DMD: variants seen among roughly 807,000 people sequenced by gnomAD.
The protein encoded by DMD is dystrophin.
In DMD, 63 loss-of-function variants were observed where a neutral mutation model predicts 330.1. The ratio of observed to expected loss-of-function variants is 0.19; its 90% CI spans 0.16 to 0.24. The LOEUF is 0.24. Ranked by LOEUF, DMD falls within the 10% of genes least tolerant of loss-of-function variation. The probability of loss-of-function intolerance (pLI) is 1.00; values close to 1 mark genes in which losing one functional copy is unlikely to be tolerated. For synonymous variants in DMD, 1,223 were observed against 959.8 expected, an observed-to-expected ratio of 1.27 and a Z score of -5.07; for missense variants, 3,344 against 2,684.1, an observed-to-expected ratio of 1.25 and a Z score of -5.43.
Position 32,476,148 on chromosome X carries a change from G to T in DMD, c.2804-3839C>A, listed in dbSNP as rs186821345. Among the ~76,000 whole-genome samples the T allele has an allele frequency of 4.3e-3, 479 of 110,798 alleles. 10 individuals are homozygous for T. The highest frequency in any genetic ancestry group is 0.017 in the South Asian group (44 of 2,624). On this transcript the variant is annotated intron_variant, in intron 21 of 78. Transcript: ENST00000357033. ...TGAATCATAAGCTTCATAAAATTTG[G>T]TTTAATTGAACTTGAACATGTCTCC...
chrX:32,020,823 A>G (rs2095801419), intron 44 of DMD, among the ~76,000 whole-genome samples: 1 of 112,719 alleles, frequency 8.9e-6, no homozygotes, highest in South Asian at 3.6e-4. Context: ...ACAACTAGCT[A>G]TATATTTTAT....
rs1464786184 is a variant in DMD, at chrX:31,857,181, C to A, written c.7098+18007G>T. Among the ~76,000 whole-genome samples the A allele has an allele frequency of 2.7e-5, 3 of 109,416 alleles. No individual in the cohort carries two copies. The East Asian group carries it at 8.7e-4, about 32-fold the overall frequency. On this transcript the variant is annotated intron_variant, in intron 48 of 78. Transcript: ENST00000357033. Reference sequence around the variant, plus strand: ...ATCACTTGAGGTCAGGAGTTTGAGACCAGCCTGGTCAACATGGTGAAACCC... The same window carrying A: ...ATCACTTGAGGTCAGGAGTTTGAGAACAGCCTGGTCAACATGGTGAAACCC...
At chrX:31,951,533 C>T (rs1303306959) in intron 45 of DMD, among the ~76,000 whole-genome samples, 1 of 109,170 alleles carries the variant, frequency 9.2e-6, no homozygotes, top group Non-Finnish European at 1.9e-5. Context: ...TTGTTTTTAA[C>T]TATTTATTTT....
chrX:32,602,490 G>A (rs148186330), intron 12 of DMD, among the ~76,000 whole-genome samples: 1,167 of 111,751 alleles, frequency 0.01, 16 homozygotes, highest in African/African-American at 0.037. Context: ...GAAATGCTAT[G>A]CATTGTGCTG....
chrX:33,142,903 C>T (rs2047867907), intron 1 of DMD, among the ~76,000 whole-genome samples: 1 of 111,136 alleles, frequency 9.0e-6, no homozygotes, highest in Admixed American at 9.6e-5. Flanking sequence ...GATAGAGGTC[C>T]CAAGTTGTCT....
chrX:32,350,524 G>A (rs922979177), intron 37 of DMD, among the ~76,000 whole-genome samples: 1 of 111,364 alleles, frequency 9.0e-6, no homozygotes, highest in Non-Finnish European at 1.9e-5. Context: ...TAAATATCAA[G>A]TAAGTGTCAA....
At chrX:31,277,639 G>A (rs956564043) in intron 62 of DMD, among the ~76,000 whole-genome samples, 5 of 111,126 alleles carry the variant, frequency 4.5e-5, no homozygotes, top group African/African-American at 6.5e-5. Flanking sequence ...ACATGATGCC[G>A]AGGTACACCT....
At chrX:32,380,443 T>A (rs1325175439) in intron 34 of DMD, 67 bp downstream of exon 34, 1 of 1,002,225 alleles carries the variant, frequency 1.0e-6, no homozygotes, top group African/African-American at 1.9e-5. Context: ...TGTTAATACT[T>A]CCTTACAAAA....
intron 47 of DMD, among the ~76,000 whole-genome samples, chrX:31,889,821 A>G (rs1240664227): frequency 9.1e-6 from 1 of 110,323 alleles, no homozygotes; most frequent in African/African-American, 3.3e-5. Flanking sequence ...CTCCAATCAG[A>G]AATCTTTGAT....
At chrX:32,888,098 CAAAGT>C (rs2084844108) in intron 2 of DMD, among the ~76,000 whole-genome samples, 1 of 110,572 alleles carries the variant, frequency 9.0e-6, no homozygotes, top group East Asian at 2.8e-4. Flanking sequence ...TAAAATATGA[CAAAGT>C]AAAATCACAG....
intron 63 of DMD, among the ~76,000 whole-genome samples, chrX:31,228,071 C>T (rs868118184): frequency 9.3e-5 from 9 of 96,580 alleles, no homozygotes; most frequent in South Asian, 5.0e-4. Flanking sequence ...ATCACATGGA[C>T]ACAGGAAGGG....
In DMD at chrX:32,836,198, A is replaced by AT. The variant is rs200071842; in HGVS notation, c.264+8584dup. Among the ~76,000 whole-genome samples the AT allele has an allele frequency of 6.0e-3, 607 of 101,713 alleles. 4 individuals are homozygous for AT. Among genetic ancestry groups the AT allele is most frequent in the Non-Finnish European group, 6.7e-3 (332 of 49,820 alleles). The allele number at this position is 101,713 out of a possible 115,157, so 88.3% of individuals were successfully genotyped here. A position where few individuals can be genotyped will look rare whatever the true frequency, so the allele number is the denominator to read the frequency against. On this transcript the variant is annotated intron_variant, in intron 4 of 78. Transcript: ENST00000357033. ...AGGCGCCAGCCACCACACCCGTCTA[A>AT]TTTTTTTTTTTTTAGTAGAGACGGG...
At chrX:32,624,969 G>A (rs766229057) in intron 11 of DMD, among the ~76,000 whole-genome samples, 3 of 111,201 alleles carry the variant, frequency 2.7e-5, no homozygotes, top group Admixed American at 1.9e-4. Flanking sequence ...TCAGGAGTTC[G>A]AAAGCATCCT....
chrX:32,471,064 G>A (rs772434262), intron 22 of DMD, among the ~76,000 whole-genome samples: 1 of 111,270 alleles, frequency 9.0e-6, no homozygotes, highest in South Asian at 3.8e-4. Flanking sequence ...ATCATCTGAG[G>A]TCAGGAGTTT....
chrX:32,608,111 A>G (rs1810119817), intron 12 of DMD, among the ~76,000 whole-genome samples: 1 of 110,366 alleles, frequency 9.1e-6, no homozygotes, highest in Admixed American at 9.7e-5. Context: ...TACTGAATCA[A>G]TACTCAGTAA....
At chrX:33,052,624 A>C (rs1191928206) in intron 1 of DMD, among the ~76,000 whole-genome samples, 1 of 112,146 alleles carries the variant, frequency 8.9e-6, no homozygotes, top group Non-Finnish European at 1.9e-5. Flanking sequence ...AAAACAGATT[A>C]ACATCAAAAA....
At chrX:32,812,436 C>T (rs1342419970) in intron 6 of DMD, among the ~76,000 whole-genome samples, 1 of 111,601 alleles carries the variant, frequency 9.0e-6, no homozygotes, top group Non-Finnish European at 1.9e-5. Flanking sequence ...ATTTCGAGAC[C>T]AGCCTGGACA....
intron 7 of DMD, among the ~76,000 whole-genome samples, chrX:32,753,885 T>A (rs900096263): frequency 7.2e-5 from 8 of 111,523 alleles, no homozygotes; most frequent in African/African-American, 2.6e-4. Context: ...TAACAAGCCA[T>A]TGAAAATAAA....
chrX:32,595,766 T>C lies in DMD; in HGVS notation c.1593A>G (p.Glu531=). 1.7e-6 allele frequency: 2 copies of C among 1,211,250 alleles called. No individual in the cohort carries two copies. The highest frequency in any genetic ancestry group is 2.2e-6 in the Non-Finnish European group (2 of 894,865). Residue 531 remains glutamate (E), a synonymous_variant, in exon 13 of 79, where the codon GAA becomes GAG. Transcript: ENST00000357033. The part of the protein sequence containing the change: ...SGDHATAALE[E]QLKVLGDRWA... The stretch of plus-strand genomic sequence containing the variant: ...AGCAAAATAATCTGACCTTAAGTTG[T>C]TCTTCCAAAGCAGCAGTTGCGTGAT...
Sources: allele counts gnomAD v4.1 joint callset (sites outside exome capture counted in the v4.1 genomes callset), GRCh38; gene constraint gnomAD v4.1.1; transcripts MANE v1.5; gene names NCBI Gene and HGNC (gene_info 2026-07-23, HGNC 2026-07-21).